Variants in PRDM15 observed in about 807,000 individuals in gnomAD.
PRDM15 encodes the protein PR domain zinc finger protein 15.
Under a neutral mutation model 128.6 loss-of-function variants are expected in PRDM15, and 64 were observed. The ratio of observed to expected loss-of-function variants is 0.50; its 90% CI spans 0.41 to 0.61. The LOEUF (loss-of-function observed/expected upper bound fraction) is 0.61. PRDM15 is among the 20% of genes least tolerant of loss of function. The pLI is 0.00. For missense variants in PRDM15, 1,242 were observed against 1,569.1 expected (o/e 0.79, Z 3.52); for synonymous variants, 615 against 621.8 (o/e 0.99, Z 0.16).
At chr21:41,864,445 C>T (rs573839460) in intron 1 of PRDM15, among the ~76,000 whole-genome samples, 1 of 146,226 alleles carries the variant, frequency 6.8e-6, no homozygotes, top group South Asian at 2.3e-4. Context: ...CATCTTCATT[C>T]AGAAGGCAAC....
chr21:41,836,367 G>C (rs558561970), intron 9 of PRDM15, 101 bp downstream of exon 9: 1 of 1,362,386 alleles, frequency 7.3e-7, no homozygotes, highest in African/African-American at 1.4e-5. Flanking sequence ...GGCGCAGCTC[G>C]TGGGAGACGA....
chr21:41,820,323 G>C, intron 16 of PRDM15, 149 bp from the exon 17 acceptor site: 1 of 650,384 alleles, frequency 1.5e-6, no homozygotes, highest in South Asian at 1.8e-5. Context: ...CCTCTGCCAC[G>C]GGCTCAATCG....
At chr21:41,816,591 C>A (rs1454903227) in intron 18 of PRDM15, among the ~76,000 whole-genome samples, 1 of 152,222 alleles carries the variant, frequency 6.6e-6, no homozygotes, top group African/African-American at 2.4e-5. Flanking sequence ...AACTACTGAG[C>A]CTGAACACAG....
intron 18 of PRDM15, among the ~76,000 whole-genome samples, chr21:41,817,410 G>C (rs540779037): frequency 6.6e-6 from 1 of 152,068 alleles, no homozygotes; most frequent in African/African-American, 2.4e-5. Context: ...CTACTGGCTG[G>C]GCCCCTGCCT....
intron 1 of PRDM15, chr21:41,867,349 C>T (rs2064046694): frequency 6.2e-7 from 1 of 1,612,584 alleles, no homozygotes; most frequent in Non-Finnish European, 8.5e-7. Context: ...TTTCCTGGTT[C>T]CCCCAGGAAA....
intron 21 of PRDM15, among the ~76,000 whole-genome samples, chr21:41,807,788 C>A (rs1164589826): frequency 2.6e-5 from 4 of 152,132 alleles, no homozygotes; most frequent in African/African-American, 9.7e-5. Flanking sequence ...GCTGGAGAAA[C>A]AAATTGGTTC....
In PRDM15 at chr21:41,859,815, C is replaced by T; in HGVS notation, c.38-130G>A. The T allele has an allele frequency of 2.7e-6, 2 of 735,966 alleles. No homozygotes were observed. The highest frequency in any genetic ancestry group is 2.3e-6 in the Non-Finnish European group (1 of 430,494). The allele number at this position is 735,966 out of a possible 1,614,324, so 45.6% of individuals were successfully genotyped here. A position where few individuals can be genotyped will look rare whatever the true frequency, so the allele number is the denominator to read the frequency against. On this transcript the variant is annotated intron_variant, in intron 2 of 23. Transcript: ENST00000398548. The surrounding 1 kb of genome is among the most constrained non-coding windows in gnomAD (Gnocchi z 5.3). ...ATGAGACACATGCATGCCGACACTG[C>T]AAAGACAAGCAAGGGAGGGTGCATT...
chr21:41,865,799 T>C (rs914060064), intron 1 of PRDM15, among the ~76,000 whole-genome samples: 4 of 152,218 alleles, frequency 2.6e-5, no homozygotes, highest in African/African-American at 9.7e-5. Context: ...AGCTGGAGTA[T>C]AATGGTCCCA....
Position 41,862,764 on chromosome 21 carries a change from C to T in PRDM15, c.-9-2392G>A, listed in dbSNP as rs73361564. Reference sequence around the variant, plus strand: ...ACTCCCTTTAACACTCAGAAAGTGCCTTCATAGAAGGGGAAGTGTGGTCTC... The same window carrying T: ...ACTCCCTTTAACACTCAGAAAGTGCTTTCATAGAAGGGGAAGTGTGGTCTC... On this transcript the variant is annotated intron_variant, in intron 1 of 23. Coordinates refer to ENST00000398548, the MANE Select transcript of PRDM15 (RefSeq NM_001040424.3). The surrounding 1 kb of genome is among the most constrained non-coding windows in gnomAD (Gnocchi z 4.1). Among the ~76,000 whole-genome samples, 22,888 of 152,086 alleles carry T rather than the reference C, an allele frequency of 0.15. 1,820 individuals carry two copies. Among genetic ancestry groups the T allele is most frequent in the African/African-American group, 0.19 (7,926 of 41,438 alleles).
chr21:41,865,769 C>T (rs2145966140), intron 1 of PRDM15, among the ~76,000 whole-genome samples: 1 of 152,296 alleles, frequency 6.6e-6, no homozygotes, highest in South Asian at 2.1e-4. Context: ...TATTTTGACA[C>T]AGTCTTGCTC....
At chr21:41,803,631 G>A (rs1168166313) in intron 22 of PRDM15, among the ~76,000 whole-genome samples, 5 of 152,310 alleles carry the variant, frequency 3.3e-5, no homozygotes, top group Admixed American at 6.5e-5. Context: ...GGCCTACACC[G>A]CTGTCATGGT....
At chr21:41,839,312 A>G (rs2062995102) in intron 7 of PRDM15, among the ~76,000 whole-genome samples, 1 of 152,258 alleles carries the variant, frequency 6.6e-6, no homozygotes, top group Non-Finnish European at 1.5e-5. Context: ...GAACTCGTAC[A>G]GAAGACAGTC....
chr21:41,809,014 C>T (rs142743539), intron 21 of PRDM15, among the ~76,000 whole-genome samples: 277 of 152,342 alleles, frequency 1.8e-3, no homozygotes, highest in African/African-American at 6.0e-3. Flanking sequence ...CCGCAAGAGG[C>T]GAAGGATGCC....
intron 16 of PRDM15, 135 bp downstream of exon 16, chr21:41,820,932 C>A: frequency 8.6e-7 from 1 of 1,167,472 alleles, no homozygotes; most frequent in East Asian, 2.3e-5. Flanking sequence ...TGCTGCGCCC[C>A]CAGCTCTGGC....
chr21:41,820,241 C>CCCCA, intron 16 of PRDM15, 67 bp from the exon 17 acceptor site: 2 of 1,237,904 alleles, frequency 1.6e-6, no homozygotes, highest in Non-Finnish European at 2.3e-6. Context: ...AGGGCACTTT[C>CCCCA]CCCAGCACCT....
Position 41,801,486 on chromosome 21 carries a change from G to T in PRDM15, c.3180C>A (p.Asp1060Glu), listed in dbSNP as rs111288587. The T allele has an allele frequency of 6.2e-7, 1 of 1,614,184 alleles. No homozygotes were observed. The highest frequency in any genetic ancestry group is 1.7e-5 in the Admixed American group (1 of 60,030). The change falls in exon 24 of 24, where the codon GAC (aspartate) becomes GAA (glutamate). Residue 1060 changes from aspartate (D) to glutamate (E), a missense_variant. By Grantham distance (45) the Asp-to-Glu change is conservative. Coordinates refer to ENST00000398548, the MANE Select transcript of PRDM15 (RefSeq NM_001040424.3). ...CTTCCGGCTGGGGGTGGATCTGGAC[G>T]TCATTTTGGCGGTTGTGCAACATGG... ...GSAMLHNRQN[D>E]VQIHPQPEAS...
At chr21:41,850,797 T>A (rs992681924) in intron 5 of PRDM15, among the ~76,000 whole-genome samples, 2 of 152,038 alleles carry the variant, frequency 1.3e-5, no homozygotes, top group Non-Finnish European at 2.9e-5. Context: ...AAAAAAATAA[T>A]AAGTTACTTT....
intron 3 of PRDM15, among the ~76,000 whole-genome samples, chr21:41,858,865 G>A (rs2063720996): frequency 6.6e-6 from 1 of 152,202 alleles, no homozygotes; most frequent in Admixed American, 6.5e-5. Context: ...GTGTTGTGGG[G>A]CAGTGGGGAG....
chr21:41,847,898 G>A (rs1213550590), intron 5 of PRDM15, among the ~76,000 whole-genome samples: 1 of 152,234 alleles, frequency 6.6e-6, no homozygotes, highest in African/African-American at 2.4e-5. Context: ...ATGGCATGCG[G>A]TGTAAGCCTG....
Sources: gnomAD v4.1 joint callset for allele counts (sites outside exome capture counted in the v4.1 genomes callset) on GRCh38, gnomAD v4.1.1 for gene constraint, Gnocchi (gnomAD v3.1) non-coding constraint, MANE v1.5 for transcripts, NCBI Gene and HGNC (gene_info 2026-07-23, HGNC 2026-07-21) for gene names.